Variants in ZNF638 observed in about 807,000 individuals in gnomAD.
ZNF638 encodes CTCL tumor antigen se33-1.
A neutral mutation model predicts 195.6 loss-of-function variants in ZNF638; 46 were observed. The ratio of observed to expected loss-of-function variants is 0.24; its 90% CI spans 0.19 to 0.30. The LOEUF is 0.30. Ranked by LOEUF, ZNF638 falls within the 10% of genes least tolerant of loss-of-function variation. The pLI is 1.00. For missense variants in ZNF638, 2,440 were observed against 2,325.3 expected, an observed-to-expected ratio of 1.05 and a Z score of -1.01; for synonymous variants, 845 against 772.0, an observed-to-expected ratio of 1.09 and a Z score of -1.57.
intron 3 of ZNF638, 105 bp from the exon 4 acceptor site, chr2:71,363,048 C>A: frequency 2.5e-6 from 2 of 786,408 alleles, no homozygotes; most frequent in Admixed American, 2.4e-5. Context: ...ATTTTATTTC[C>A]AATAAAAGTT....
chr2:71,357,659 T>C (rs1490162376), intron 3 of ZNF638, among the ~76,000 whole-genome samples: 2 of 152,214 alleles, frequency 1.3e-5, no homozygotes, highest in Non-Finnish European at 2.9e-5. Context: ...GCCTTTAGTG[T>C]AGGTAAGCCT....
intron 10 of ZNF638, among the ~76,000 whole-genome samples, chr2:71,391,013 C>G (rs928096314): frequency 2.6e-5 from 4 of 152,174 alleles, no homozygotes; most frequent in African/African-American, 7.2e-5. Flanking sequence ...TCTCAAGATC[C>G]AATTTGGGTA....
chr2:71,380,899 G>C lies in ZNF638; in HGVS notation c.2377+334G>C, dbSNP rs908409665. 6 of 176,908 alleles carry C rather than the reference G, an allele frequency of 3.4e-5. No homozygotes were observed. In the East Asian group the frequency reaches 7.5e-4, roughly 22 times the overall value. The allele number at this position is 176,908 out of a possible 1,614,324, so 11.0% of individuals were successfully genotyped here. On this transcript the variant is annotated intron_variant, in intron 10 of 27. Coordinates refer to ENST00000264447, the MANE Select transcript of ZNF638 (RefSeq NM_014497.5). ...TAAACCCACAAGACACAAAACATAAGAAAGGTATGTTAAGAATGCTTATCT... is the reference window on the plus strand; with the variant it reads ...TAAACCCACAAGACACAAAACATAACAAAGGTATGTTAAGAATGCTTATCT...
intron 7 of ZNF638, 126 bp from the exon 8 acceptor site, chr2:71,369,757 A>G: frequency 3.2e-6 from 3 of 934,574 alleles, no homozygotes; most frequent in Middle Eastern, 3.5e-4. Flanking sequence ...AAAACAGGCA[A>G]AAGCAACCAT....
chr2:71,385,116 A>C (rs769498188), intron 10 of ZNF638, among the ~76,000 whole-genome samples: 4 of 152,254 alleles, frequency 2.6e-5, no homozygotes, highest in Non-Finnish European at 5.9e-5. Context: ...AGAATGGCTA[A>C]AATAAAAAAT....
chr2:71,420,485 T>C (rs777889099), intron 21 of ZNF638, among the ~76,000 whole-genome samples: 25 of 152,226 alleles, frequency 1.6e-4, no homozygotes, highest in Non-Finnish European at 3.4e-4. Context: ...ATCTTTAGTA[T>C]TGTGAAGTCC....
At position 71,402,809 on chromosome 2, in the gene ZNF638, A is replaced by G. The variant is rs564302432; in HGVS notation, c.2829+722A>G. ...GAAATGACACCATTAGAATAGTGGG[A>G]AGAAGTGTTCTTACGTTAGAGAGGA... On this transcript the variant is annotated intron_variant, in intron 16 of 27. Coordinates refer to ENST00000264447, the MANE Select transcript of ZNF638 (RefSeq NM_014497.5). Among the ~76,000 whole-genome samples the G allele has an allele frequency of 2.6e-5, 4 of 152,276 alleles. No individual in the cohort carries two copies. The East Asian group carries it at 5.8e-4, about 22-fold the overall frequency.
intron 8 of ZNF638, chr2:71,374,169 TGCC>T (rs2079374152): frequency 6.6e-6 from 1 of 152,244 alleles, no homozygotes; most frequent in Admixed American, 6.5e-5. Flanking sequence ...CCTGTGCTAG[TGCC>T]TAAAAGGTTT....
intron 10 of ZNF638, among the ~76,000 whole-genome samples, chr2:71,384,744 T>G (rs1573091248): frequency 6.6e-6 from 1 of 152,240 alleles, no homozygotes. Flanking sequence ...TCCCCTTTTC[T>G]TTTTACCTTT....
In ZNF638 at chr2:71,396,304, T is replaced by C. The variant is rs568513142; in HGVS notation, c.2428+113T>C. ...CATGACATAGTCTGTATTGAATGCATGCTAATCTTTGAGATTTATAATCAT... is the reference window on the plus strand; with the variant it reads ...CATGACATAGTCTGTATTGAATGCACGCTAATCTTTGAGATTTATAATCAT... On this transcript the variant is annotated intron_variant, in intron 11 of 27. Transcript: ENST00000264447. 430 of 775,822 alleles carry C rather than the reference T, an allele frequency of 5.5e-4. 1 individual carries two copies. The highest frequency in any genetic ancestry group is 3.3e-3 in the Middle Eastern group (9 of 2,698). The allele number at this position is 775,822 out of a possible 1,614,324, so 48.1% of individuals were successfully genotyped here. A position where few individuals can be genotyped will look rare whatever the true frequency, so the allele number is the denominator to read the frequency against.
rs564615088 is a variant in ZNF638, at chr2:71,384,673, T to A, written c.2377+4108T>A. On this transcript the variant is annotated intron_variant, in intron 10 of 27. Transcript: ENST00000264447. ...CTGTAAGGCTCATCTCTGATGAAACTTCCTTGATCGAATGATTTTTTTCTC... is the reference window on the plus strand; with the variant it reads ...CTGTAAGGCTCATCTCTGATGAAACATCCTTGATCGAATGATTTTTTTCTC... Among the ~76,000 whole-genome samples the A allele has an allele frequency of 8.0e-5, 12 of 150,150 alleles. 1 individual carries two copies. The South Asian group carries it at 2.5e-3, about 32-fold the overall frequency.
At chr2:71,340,337 A>T (rs571837908) in intron 1 of ZNF638, among the ~76,000 whole-genome samples, 2 of 152,344 alleles carry the variant, frequency 1.3e-5, no homozygotes, top group Admixed American at 1.3e-4. Flanking sequence ...GCCTTTTGTG[A>T]GACAAGAGAG....
At chr2:71,341,770 C>T (rs531687733) in intron 1 of ZNF638, 37 of 152,184 alleles carry the variant, frequency 2.4e-4, no homozygotes, top group African/African-American at 8.7e-4. Flanking sequence ...TCTTTATGAC[C>T]AGAGCTCCTG....
chr2:71,391,205 A>G (rs1297304471), intron 10 of ZNF638, among the ~76,000 whole-genome samples: 2 of 152,248 alleles, frequency 1.3e-5, no homozygotes, highest in Non-Finnish European at 2.9e-5. Context: ...TTTGCAACCT[A>G]TGGGGCCCCT....
intron 2 of ZNF638, among the ~76,000 whole-genome samples, chr2:71,354,770 T>G (rs2078997210): frequency 6.6e-6 from 1 of 151,800 alleles, no homozygotes; most frequent in African/African-American, 2.4e-5. Context: ...AAAAGAAGCA[T>G]TTCGTTAATT....
At chr2:71,417,080 T>C (rs1379219705) in intron 20 of ZNF638, among the ~76,000 whole-genome samples, 2 of 125,134 alleles carry the variant, frequency 1.6e-5, no homozygotes, top group African/African-American at 3.1e-5. Context: ...CCCAGCCTCG[T>C]TGCCGCCTTG....
intron 10 of ZNF638, among the ~76,000 whole-genome samples, chr2:71,394,449 C>T (rs2079851739): frequency 6.6e-6 from 1 of 152,150 alleles, no homozygotes; most frequent in Non-Finnish European, 1.5e-5. Flanking sequence ...ATATGTTTTT[C>T]TTATGGGAAC....
chr2:71,433,313 AG>A (rs778639317), intron 27 of ZNF638, 30 bp downstream of exon 27: 5 of 1,476,056 alleles, frequency 3.4e-6, no homozygotes, highest in Non-Finnish European at 4.7e-6. Context: ...CAAAATCTTG[AG>A]GTGTTGTTAT....
At chr2:71,343,958 G>A (rs1010710705) in intron 1 of ZNF638, among the ~76,000 whole-genome samples, 2 of 128,356 alleles carry the variant, frequency 1.6e-5, no homozygotes, top group African/African-American at 2.6e-5. Context: ...GTGAAACCCC[G>A]TCTCTACTAA....
Sources: gnomAD v4.1 joint callset for allele counts (sites outside exome capture counted in the v4.1 genomes callset) on GRCh38, gnomAD v4.1.1 for gene constraint, MANE v1.5 for transcripts, NCBI Gene and HGNC (gene_info 2026-07-23, HGNC 2026-07-21) for gene names.